The following UGGT2 variants were observed in gnomAD, a reference collection of about 807,000 sequenced individuals.
UGGT2 encodes the protein UDP-glucose:glycoprotein glucosyltransferase 2.
In UGGT2, 180 loss-of-function variants were observed where a neutral mutation model predicts 192.1. The ratio of observed to expected loss-of-function variants is 0.94; its 90% confidence interval spans 0.83 to 1.06. UGGT2 has a LOEUF of 1.06. UGGT2 is among the 50% of genes least tolerant of loss of function. The pLI, the probability that UGGT2 is intolerant of heterozygous loss-of-function variation, is 0.00. For synonymous variants in UGGT2, 580 were observed against 591.0 expected (o/e 0.98, Z 0.27); for missense variants, 1,849 against 1,795.7 (o/e 1.03, Z -0.54).
intron 36 of UGGT2, among the ~76,000 whole-genome samples, chr13:95,843,007 G>T (rs1888025261): frequency 6.6e-6 from 1 of 152,190 alleles, no homozygotes; most frequent in Non-Finnish European, 1.5e-5. Context: ...AAGCTGTTAT[G>T]CAGCAACAGG....
chr13:95,828,253 G>A (rs949327498), intron 38 of UGGT2, among the ~76,000 whole-genome samples: 2 of 151,966 alleles, frequency 1.3e-5, no homozygotes, highest in African/African-American at 4.8e-5. Flanking sequence ...ACATCACAAT[G>A]AAAAGAACAA....
At chr13:95,832,737 GA>G (rs748612059) in intron 38 of UGGT2, 189 bp downstream of exon 38, 2 of 782,906 alleles carry the variant, frequency 2.6e-6, no homozygotes, top group Non-Finnish European at 4.3e-6. Flanking sequence ...TATCCATGGG[GA>G]AACAGATTAT....
At chr13:96,022,800 C>G (rs946158305) in intron 4 of UGGT2, among the ~76,000 whole-genome samples, 2 of 151,888 alleles carry the variant, frequency 1.3e-5, no homozygotes, top group African/African-American at 4.8e-5. Flanking sequence ...TTTCAAAAAA[C>G]AAGTTATGCT....
intron 2 of UGGT2, among the ~76,000 whole-genome samples, chr13:96,025,847 G>A: frequency 6.6e-6 from 1 of 152,196 alleles, no homozygotes; most frequent in East Asian, 1.9e-4. Flanking sequence ...GATTAAATTA[G>A]AAGGAGCACA....
At chr13:96,032,750 T>C (rs1432757631) in intron 1 of UGGT2, among the ~76,000 whole-genome samples, 1 of 152,214 alleles carries the variant, frequency 6.6e-6, no homozygotes, top group Non-Finnish European at 1.5e-5. Flanking sequence ...AAACTTAAAC[T>C]AATGCTTAAA....
intron 38 of UGGT2, among the ~76,000 whole-genome samples, chr13:95,831,588 T>A (rs1251220930): frequency 6.6e-6 from 1 of 151,950 alleles, no homozygotes; most frequent in Non-Finnish European, 1.5e-5. Context: ...AATATAGACA[T>A]CATTTTTCTT....
At chr13:95,828,651 G>C (rs536074943) in intron 38 of UGGT2, among the ~76,000 whole-genome samples, 1 of 152,158 alleles carries the variant, frequency 6.6e-6, no homozygotes, top group Admixed American at 6.5e-5. Flanking sequence ...ACCAAGAACA[G>C]ACTCTGAAAT....
At chr13:95,916,785 A>C (rs749146372) in intron 20 of UGGT2, among the ~76,000 whole-genome samples, 12 of 152,212 alleles carry the variant, frequency 7.9e-5, no homozygotes, top group Non-Finnish European at 1.8e-4. Context: ...GAACAGACCA[A>C]GCAGAGGAAA....
intron 12 of UGGT2, among the ~76,000 whole-genome samples, chr13:95,951,895 T>C (rs9525097): frequency 0.86 from 131,054 of 151,846 alleles, 56,812 homozygotes; most frequent in East Asian, 0.93. Flanking sequence ...CCATCTCTAC[T>C]AAAAATACAA....
At chr13:95,995,893 T>A (rs1291120892) in intron 7 of UGGT2, 170 bp downstream of exon 7, 1 of 601,216 alleles carries the variant, frequency 1.7e-6, no homozygotes, top group African/African-American at 2.0e-5. Flanking sequence ...TGTAGCTTTT[T>A]GACATTAGCC....
intron 36 of UGGT2, among the ~76,000 whole-genome samples, chr13:95,846,735 A>G (rs1156487709): frequency 6.6e-6 from 1 of 152,146 alleles, no homozygotes; most frequent in African/African-American, 2.4e-5. Context: ...CATTTCTTCA[A>G]CTGATACAGT....
At chr13:95,988,226 A>ATTAAG (rs1428583308) in intron 8 of UGGT2, among the ~76,000 whole-genome samples, 1 of 152,100 alleles carries the variant, frequency 6.6e-6, no homozygotes, top group Non-Finnish European at 1.5e-5. Context: ...AAGTCCCTTT[A>ATTAAG]TTAAACTTTT....
chr13:95,886,601 A>C (rs1447759995), intron 26 of UGGT2, among the ~76,000 whole-genome samples: 1 of 152,276 alleles, frequency 6.6e-6, no homozygotes, highest in Non-Finnish European at 1.5e-5. Flanking sequence ...AAAATTTAAA[A>C]TACAAAAGAT....
chr13:96,045,237 C>G (rs2053274680), intron 1 of UGGT2, among the ~76,000 whole-genome samples: 2 of 152,112 alleles, frequency 1.3e-5, no homozygotes, highest in South Asian at 4.1e-4. Context: ...ATAAATATTA[C>G]ATGATCATCT....
At chr13:95,970,945 C>T (rs1001647115) in intron 11 of UGGT2, among the ~76,000 whole-genome samples, 2 of 152,188 alleles carry the variant, frequency 1.3e-5, no homozygotes, top group Non-Finnish European at 2.9e-5. Context: ...TGGACTTCAT[C>T]AGTCCTACTT....
intron 32 of UGGT2, 145 bp downstream of exon 32, chr13:95,860,643 G>C (rs541571913): frequency 4.6e-6 from 2 of 432,432 alleles, no homozygotes; most frequent in Non-Finnish European, 4.1e-6. Flanking sequence ...AATATTATGG[G>C]TTTCCTGTGA....
chr13:95,824,248 T>C (rs61972863), intron 38 of UGGT2, among the ~76,000 whole-genome samples: 3,579 of 144,790 alleles, frequency 0.025, 58 homozygotes, highest in Non-Finnish European at 0.036. Context: ...TGATTTTAGA[T>C]ACCTGACAAC....
chr13:95,909,102 T>C (rs987356993), intron 20 of UGGT2, among the ~76,000 whole-genome samples: 4 of 152,146 alleles, frequency 2.6e-5, no homozygotes, highest in African/African-American at 9.7e-5. Flanking sequence ...AAGTCTTTAA[T>C]CCACCTTGAA....
chr13:95,918,395 T>C (rs1236324438), intron 20 of UGGT2, among the ~76,000 whole-genome samples: 1 of 152,076 alleles, frequency 6.6e-6, no homozygotes, highest in Non-Finnish European at 1.5e-5. Flanking sequence ...AATAAAAAAA[T>C]TTATAGCACT....
Sources: gnomAD v4.1 joint callset for allele counts (sites outside exome capture counted in the v4.1 genomes callset) on GRCh38, gnomAD v4.1.1 for gene constraint, MANE v1.5 for transcripts, NCBI Gene and HGNC (gene_info 2026-07-23, HGNC 2026-07-21) for gene names.